SMARCC1: variants seen among roughly 807,000 people sequenced by gnomAD.
SMARCC1 encodes the protein SWI/SNF related BAF chromatin remodeling complex subunit C1.
SMARCC1 carries 43 observed loss-of-function variants against 147.4 expected under a neutral mutation model. The ratio of observed to expected loss-of-function variants is 0.29; its 90% CI spans 0.23 to 0.38. The LOEUF is 0.38. SMARCC1 is among the 10% of genes least tolerant of loss of function. SMARCC1 has a pLI of 1.00. For missense variants in SMARCC1, 1,119 were observed against 1,381.1 expected, an observed-to-expected ratio of 0.81 and a Z score of 3.01; for synonymous variants, 495 against 484.4, an observed-to-expected ratio of 1.02 and a Z score of -0.29.
intron 5 of SMARCC1, among the ~76,000 whole-genome samples, chr3:47,731,438 T>C (rs1174640996): frequency 1.3e-5 from 2 of 152,210 alleles, no homozygotes. Flanking sequence ...ACTGTTGATA[T>C]TTTGACCTCT....
intron 2 of SMARCC1, among the ~76,000 whole-genome samples, chr3:47,756,661 A>G (rs1250205751): frequency 6.6e-6 from 1 of 152,172 alleles, no homozygotes; most frequent in Non-Finnish European, 1.5e-5. Context: ...GGTCAAATGT[A>G]GTCCACTCTT....
intron 26 of SMARCC1, among the ~76,000 whole-genome samples, chr3:47,591,939 A>G (rs1046183496): frequency 6.6e-6 from 1 of 152,248 alleles, no homozygotes; most frequent in African/African-American, 2.4e-5. Context: ...AGAGATGAGA[A>G]TCATATGAGA....
intron 26 of SMARCC1, chr3:47,604,137 T>C (rs1388068741): frequency 2.2e-6 from 1 of 456,634 alleles, no homozygotes; most frequent in Non-Finnish European, 4.4e-6. Context: ...CATTCATACC[T>C]AGAAGTCCGT....
At chr3:47,665,824 A>C (rs1316346647) in intron 19 of SMARCC1, among the ~76,000 whole-genome samples, 1 of 151,842 alleles carries the variant, frequency 6.6e-6, no homozygotes, top group Non-Finnish European at 1.5e-5. Context: ...CTTCATCATT[A>C]CTTAACCTGG....
chr3:47,758,404 C>G (rs1188312848), intron 2 of SMARCC1, among the ~76,000 whole-genome samples: 1 of 151,560 alleles, frequency 6.6e-6, no homozygotes, highest in African/African-American at 2.4e-5. Context: ...CAAAAACTAG[C>G]CACACGTGGT....
At chr3:47,720,788 C>G in intron 6 of SMARCC1, 53 bp from the exon 7 acceptor site, 3 of 1,309,590 alleles carry the variant, frequency 2.3e-6, no homozygotes, top group Non-Finnish European at 3.3e-6. Flanking sequence ...AATAAAGAAA[C>G]TATGATTTTT....
At chr3:47,760,393 T>C (rs901891139) in intron 2 of SMARCC1, among the ~76,000 whole-genome samples, 5 of 151,664 alleles carry the variant, frequency 3.3e-5, no homozygotes, top group African/African-American at 9.7e-5. Flanking sequence ...CCAGAGGGAG[T>C]GGCTCATGCC....
chr3:47,667,729 T>C (rs2033440117), intron 19 of SMARCC1, among the ~76,000 whole-genome samples: 1 of 152,036 alleles, frequency 6.6e-6, no homozygotes. Context: ...ATACAAAAAT[T>C]AGCTGGGCAT....
At chr3:47,708,061 A>C (rs2034031409) in intron 9 of SMARCC1, among the ~76,000 whole-genome samples, 1 of 146,224 alleles carries the variant, frequency 6.8e-6, no homozygotes, top group Admixed American at 6.9e-5. Context: ...TGATACAGTA[A>C]ATCTGAAGTT....
intron 2 of SMARCC1, among the ~76,000 whole-genome samples, chr3:47,767,439 C>T (rs2034853663): frequency 6.8e-6 from 1 of 147,044 alleles, no homozygotes; most frequent in African/African-American, 2.5e-5. Flanking sequence ...GGAGTTTCTC[C>T]ATGTTGGTCA....
chr3:47,725,864 C>T (rs1401620869), intron 6 of SMARCC1, among the ~76,000 whole-genome samples: 2 of 151,246 alleles, frequency 1.3e-5, no homozygotes, highest in Non-Finnish European at 3.0e-5. Flanking sequence ...GAGTTCAAGA[C>T]GAGCCTGGCC....
intron 12 of SMARCC1, among the ~76,000 whole-genome samples, chr3:47,692,255 CA>C (rs1166684444): frequency 6.6e-6 from 1 of 152,126 alleles, no homozygotes. Context: ...TTAAGGAGAA[CA>C]AGTGATTATA....
chr3:47,620,291 T>C (rs773094425), intron 25 of SMARCC1, among the ~76,000 whole-genome samples: 7 of 151,942 alleles, frequency 4.6e-5, no homozygotes, highest in African/African-American at 7.2e-5. Context: ...AGTGAAACCC[T>C]GTCTCTACAA....
At chr3:47,779,961 C>G (rs1383132867) in intron 1 of SMARCC1, among the ~76,000 whole-genome samples, 1 of 152,028 alleles carries the variant, frequency 6.6e-6, no homozygotes, top group Non-Finnish European at 1.5e-5. Flanking sequence ...TAAAAAGTGA[C>G]CAATTTATCA....
intron 22 of SMARCC1, among the ~76,000 whole-genome samples, 182 bp downstream of exon 22, chr3:47,638,543 A>G (rs959608415): frequency 2.0e-5 from 3 of 152,262 alleles, no homozygotes; most frequent in Non-Finnish European, 2.9e-5. Context: ...ACACCTCCCC[A>G]GTGAACAAAT....
intron 2 of SMARCC1, among the ~76,000 whole-genome samples, chr3:47,753,223 G>GAT (rs763111397): frequency 7.3e-5 from 11 of 151,068 alleles, no homozygotes; most frequent in Admixed American, 1.3e-4. Context: ...TACTCAGGAG[G>GAT]ATGAGACAGG....
chr3:47,742,730 G>T (rs956405171), intron 3 of SMARCC1, among the ~76,000 whole-genome samples: 5 of 152,080 alleles, frequency 3.3e-5, no homozygotes, highest in African/African-American at 1.2e-4. Flanking sequence ...CTATAGGCAT[G>T]CACCACCACA....
intron 2 of SMARCC1, among the ~76,000 whole-genome samples, chr3:47,759,662 C>G (rs1433934223): frequency 6.7e-6 from 1 of 148,294 alleles, no homozygotes; most frequent in African/African-American, 2.5e-5. Flanking sequence ...TAGCCAGGCG[C>G]AGTGGCTCAT....
intron 2 of SMARCC1, among the ~76,000 whole-genome samples, chr3:47,762,996 G>A (rs534430142): frequency 6.6e-6 from 1 of 151,828 alleles, no homozygotes; most frequent in South Asian, 2.1e-4. Context: ...AACCCAGGAG[G>A]CGGAGGTTGC....
Sources: allele counts gnomAD v4.1 joint callset (sites outside exome capture counted in the v4.1 genomes callset), GRCh38; gene constraint gnomAD v4.1.1; transcripts MANE v1.5; gene names NCBI Gene and HGNC (gene_info 2026-07-23, HGNC 2026-07-21).